The following TCF4 variants were observed in gnomAD, a reference collection of about 807,000 sequenced individuals.
TCF4 encodes SL3-3 enhancer factor 2.
TCF4 carries 3 observed loss-of-function variants against 82.1 expected under a neutral mutation model. The observed-to-expected ratio is 0.04, with a 90% CI of 0.02 to 0.09. TCF4 has a LOEUF of 0.09. Ranked by LOEUF, TCF4 falls within the 10% of genes least tolerant of loss-of-function variation. The pLI, the probability that TCF4 is intolerant of heterozygous loss-of-function variation, is 1.00. For missense variants in TCF4, 518 were observed against 852.7 expected (o/e 0.61, Z 4.89); for synonymous variants, 276 against 309.6 (o/e 0.89, Z 1.14).
chr18:55,399,616 T>G (rs891038460), intron 6 of TCF4, among the ~76,000 whole-genome samples: 3 of 152,164 alleles, frequency 2.0e-5, no homozygotes, highest in African/African-American at 7.2e-5. Context: ...TATATTTCCA[T>G]GCCTTGAATA....
intron 2 of TCF4, among the ~76,000 whole-genome samples, chr18:55,594,166 G>A (rs142073907): frequency 1.4e-4 from 21 of 152,248 alleles, no homozygotes; most frequent in African/African-American, 4.1e-4. Context: ...AATTCTTTCC[G>A]TCACTGTTCA....
intron 8 of TCF4, among the ~76,000 whole-genome samples, chr18:55,305,366 G>A (rs577169794): frequency 1.3e-5 from 2 of 152,206 alleles, no homozygotes; most frequent in African/African-American, 4.8e-5. Flanking sequence ...CTTACAGGGG[G>A]AACACTGTAC....
At chr18:55,454,460 G>A (rs2095694585) in intron 5 of TCF4, among the ~76,000 whole-genome samples, 1 of 152,102 alleles carries the variant, frequency 6.6e-6, no homozygotes, top group Non-Finnish European at 1.5e-5. Flanking sequence ...ATTTATTGAG[G>A]TCCTACAACC....
intron 6 of TCF4, among the ~76,000 whole-genome samples, chr18:55,364,553 C>T (rs1275018917): frequency 6.6e-6 from 1 of 152,132 alleles, no homozygotes; most frequent in Non-Finnish European, 1.5e-5. Context: ...ACAGAGTCCT[C>T]CAAGGGAACT....
chr18:55,381,063 G>A (rs1603426630), intron 6 of TCF4, among the ~76,000 whole-genome samples: 1 of 152,094 alleles, frequency 6.6e-6, no homozygotes, highest in South Asian at 2.1e-4. Context: ...TAAATCACAT[G>A]TTAATTAACT....
chr18:55,571,133 C>T (rs1019867220), intron 3 of TCF4, among the ~76,000 whole-genome samples: 12 of 151,964 alleles, frequency 7.9e-5, no homozygotes, highest in African/African-American at 2.9e-4. Context: ...TCAAGAGAAA[C>T]ATACAAGAAA....
intron 3 of TCF4, among the ~76,000 whole-genome samples, chr18:55,498,213 G>A (rs1160063982): frequency 1.3e-5 from 2 of 152,192 alleles, no homozygotes; most frequent in African/African-American, 2.4e-5. Flanking sequence ...TGGGTCCGGG[G>A]TTAAGCAAGT....
chr18:55,245,547 AGGGGCTT>A (rs1255943932), intron 15 of TCF4, among the ~76,000 whole-genome samples: 2 of 152,184 alleles, frequency 1.3e-5, no homozygotes, highest in African/African-American at 4.8e-5. Context: ...CGTGCTGTGG[AGGGGCTT>A]TTCACCCAAT....
intron 3 of TCF4, among the ~76,000 whole-genome samples, chr18:55,582,293 A>G (rs2097583054): frequency 6.6e-6 from 1 of 152,148 alleles, no homozygotes; most frequent in African/African-American, 2.4e-5. Flanking sequence ...AAGATCAATG[A>G]TATAACGGAT....
chr18:55,618,055 G>T (rs769500561), intron 2 of TCF4, among the ~76,000 whole-genome samples: 27 of 152,032 alleles, frequency 1.8e-4, no homozygotes, highest in African/African-American at 6.5e-4. Context: ...TCAGTTATTC[G>T]CCATTGAGTA....
chr18:55,588,335 G>T, upstream of TCF4: 1 of 1,481,844 alleles, frequency 6.7e-7, no homozygotes, highest in Non-Finnish European at 8.9e-7. Flanking sequence ...GGGGGCTCCG[G>T]CGGGGAGACG....
chr18:55,436,139 A>G (rs1323068565), intron 5 of TCF4, among the ~76,000 whole-genome samples: 1 of 152,220 alleles, frequency 6.6e-6, no homozygotes, highest in African/African-American at 2.4e-5. Context: ...CAATTATGCA[A>G]TATGTTTTGA....
chr18:55,453,606 A>T (rs2095669811), intron 5 of TCF4, among the ~76,000 whole-genome samples: 1 of 152,128 alleles, frequency 6.6e-6, no homozygotes, highest in African/African-American at 2.4e-5. Flanking sequence ...GACTTGGATT[A>T]GTAAACCTAG....
At chr18:55,580,960 G>T (rs780774773) in intron 3 of TCF4, among the ~76,000 whole-genome samples, 41 of 151,934 alleles carry the variant, frequency 2.7e-4, no homozygotes, top group Non-Finnish European at 4.6e-4. Flanking sequence ...ACAGGTATAA[G>T]GTACACAGCA....
At position 55,362,421 on chromosome 18, in the gene TCF4, GGAAGGAAGGAAGGAAA is replaced by G. The variant is rs1569191986; in HGVS notation, c.370-11434_370-11419del. ...AGGAAGGAAGGAAGGAAGGAAGGAA[GGAAGGAAGGAAGGAAA>G]AAAAAAAAGAAGAAAACATGTATCT... is the stretch of plus-strand genomic sequence containing the variant. On this transcript the variant is annotated intron_variant, in intron 6 of 19. Coordinates refer to ENST00000354452, the MANE Select transcript of TCF4 (RefSeq NM_001083962.2). 4.3e-4 allele frequency among the ~76,000 whole-genome samples: 59 copies of G among 137,612 alleles called. 2 individuals are homozygous for G. Among genetic ancestry groups the G allele is most frequent in the Non-Finnish European group, 7.4e-4 (46 of 61,846 alleles). The allele number at this position is 137,612 out of a possible 152,430, so 90.3% of individuals were successfully genotyped here. A position where few individuals can be genotyped will look rare whatever the true frequency, so the allele number is the denominator to read the frequency against.
At chr18:55,386,326 A>G (rs752058636) in intron 6 of TCF4, among the ~76,000 whole-genome samples, 2 of 152,210 alleles carry the variant, frequency 1.3e-5, no homozygotes, top group Non-Finnish European at 2.9e-5. Context: ...AAATACGCCA[A>G]TATCACACAG....
At chr18:55,558,523 T>C (rs2097325258) in intron 3 of TCF4, among the ~76,000 whole-genome samples, 2 of 152,214 alleles carry the variant, frequency 1.3e-5, no homozygotes, top group Admixed American at 6.5e-5. Flanking sequence ...AAAATAATTT[T>C]GAATTACTTA....
chr18:55,254,118 T>C (rs770714706), intron 15 of TCF4, among the ~76,000 whole-genome samples: 16 of 152,080 alleles, frequency 1.1e-4, no homozygotes, highest in Non-Finnish European at 2.4e-4. Flanking sequence ...AAGATGCCAG[T>C]CAAAAAAGAC....
chr18:55,363,574 C>T (rs941363513), intron 6 of TCF4, among the ~76,000 whole-genome samples: 20 of 152,194 alleles, frequency 1.3e-4, no homozygotes, highest in African/African-American at 4.6e-4. Flanking sequence ...GAGGCCGAGG[C>T]AGGTGGATCA....
Sources: gnomAD v4.1 joint callset for allele counts (sites outside exome capture counted in the v4.1 genomes callset) on GRCh38, gnomAD v4.1.1 for gene constraint, MANE v1.5 for transcripts, NCBI Gene and HGNC (gene_info 2026-07-23, HGNC 2026-07-21) for gene names.